Variants in COL22A1 observed in about 807,000 individuals in gnomAD.
The protein encoded by COL22A1 is collagen type XXII alpha 1 chain, also known as collagen alpha-1(XXII) chain.
In COL22A1, 221 loss-of-function variants were observed where a neutral mutation model predicts 248.9. The ratio of observed to expected loss-of-function variants is 0.89; its 90% CI spans 0.80 to 0.99. The LOEUF is 0.99. Among genes scored for constraint, COL22A1 ranks in the 50% least tolerant of loss-of-function variants. The pLI is 0.00. For synonymous variants in COL22A1, 891 were observed against 793.4 expected (o/e 1.12, Z -2.07); for missense variants, 2,240 against 2,179.0 (o/e 1.03, Z -0.56).
In COL22A1 at chr8:138,724,684, A is replaced by G. The variant is rs1487011961; in HGVS notation, c.2194-16T>C. 3.7e-6 allele frequency: 6 copies of G among 1,613,012 alleles called. No homozygotes were observed. Among genetic ancestry groups the G allele is most frequent in the African/African-American group, 1.3e-5 (1 of 74,932 alleles). On this transcript the variant is annotated splice_polypyrimidine_tract_variant and intron_variant, in intron 24 of 64. Coordinates refer to ENST00000303045, the MANE Select transcript of COL22A1 (RefSeq NM_152888.3). ...CAGGCAAACCCTGAAAGGGGACCAC[A>G]TGGACCCTGTTAGCCTGGCCTGTTC...
intron 7 of COL22A1, among the ~76,000 whole-genome samples, chr8:138,818,403 T>A (rs1022303248): frequency 3.4e-4 from 51 of 152,156 alleles, no homozygotes; most frequent in African/African-American, 1.2e-3. Context: ...TTAAGAAGGG[T>A]TGTGTTTGTG....
intron 44 of COL22A1, 21 bp downstream of exon 44, chr8:138,660,415 C>T (rs1823712795): frequency 6.2e-7 from 1 of 1,607,562 alleles, no homozygotes; most frequent in South Asian, 1.1e-5. Flanking sequence ...AATATTCATC[C>T]AGAACCATAA....
At position 138,811,929 on chromosome 8, in the gene COL22A1, G is replaced by T; in HGVS notation, c.1327-8C>A. On this transcript the variant is annotated splice_polypyrimidine_tract_variant and splice_region_variant and intron_variant, in intron 8 of 64. Transcript: ENST00000303045. ...CACCACGGTCACCTGGCACTGGAAGGAAAGCCCAGGAGGTCAGAACCTGGC... is the reference window on the plus strand; with the variant it reads ...CACCACGGTCACCTGGCACTGGAAGTAAAGCCCAGGAGGTCAGAACCTGGC... The T allele has an allele frequency of 6.5e-7, 1 of 1,538,336 alleles. No individual in the cohort carries two copies. The highest frequency in any genetic ancestry group is 8.8e-7 in the Non-Finnish European group (1 of 1,141,588).
intron 40 of COL22A1, among the ~76,000 whole-genome samples, chr8:138,678,776 A>T (rs915728654): frequency 4.8e-5 from 7 of 144,578 alleles, no homozygotes; most frequent in Middle Eastern, 3.5e-3. Context: ...AAGTCCCACA[A>T]CCTCTCTGCA....
At chr8:138,603,460 T>C (rs1378450001) in intron 59 of COL22A1, among the ~76,000 whole-genome samples, 1 of 152,052 alleles carries the variant, frequency 6.6e-6, no homozygotes, top group African/African-American at 2.4e-5. Flanking sequence ...AAGGTGGAGA[T>C]ATACTGGGCA....
intron 3 of COL22A1, among the ~76,000 whole-genome samples, chr8:138,876,352 T>C (rs576302659): frequency 2.0e-5 from 3 of 152,286 alleles, no homozygotes; most frequent in East Asian, 1.9e-4. Context: ...CGACCACACA[T>C]GGACCTGGCA....
At chr8:138,856,209 C>T (rs763503826) in intron 3 of COL22A1, among the ~76,000 whole-genome samples, 14 of 152,228 alleles carry the variant, frequency 9.2e-5, no homozygotes, top group Non-Finnish European at 1.9e-4. Flanking sequence ...GCAGTCAAGG[C>T]GTGGCCGCAT....
intron 3 of COL22A1, among the ~76,000 whole-genome samples, chr8:138,865,512 T>C (rs1459364199): frequency 6.6e-6 from 1 of 151,606 alleles, no homozygotes; most frequent in Non-Finnish European, 1.5e-5. Flanking sequence ...TATGTTTGTA[T>C]GCCTGTGTGT....
Position 138,900,817 on chromosome 8 carries a change from T to TG in COL22A1, c.-73+12801_-73+12802insC, listed in dbSNP as rs760516259. On this transcript the variant is annotated intron_variant, in intron 1 of 64. Transcript: ENST00000303045. ...AGCAGTGTTCCTGCCTCCATCCAGC[T>TG]TACTTTCTAGAGAGAGAAGGGAGAA... 4.8e-3 allele frequency among the ~76,000 whole-genome samples: 734 copies of TG among 152,316 alleles called. 5 individuals are homozygous for TG. The highest frequency in any genetic ancestry group is 8.1e-3 in the Non-Finnish European group (549 of 68,032).
At chr8:138,773,659 C>A (rs1224808692) in intron 16 of COL22A1, among the ~76,000 whole-genome samples, 1 of 152,204 alleles carries the variant, frequency 6.6e-6, no homozygotes, top group South Asian at 2.1e-4. Flanking sequence ...AGGTGTTGCC[C>A]GCTAAACTCT....
intron 9 of COL22A1, among the ~76,000 whole-genome samples, chr8:138,809,188 T>C (rs1817972679): frequency 1.3e-5 from 2 of 152,168 alleles, no homozygotes; most frequent in South Asian, 4.1e-4. Flanking sequence ...GCAGGCTCCC[T>C]TCTCACCCCC....
chr8:138,867,073 C>T (rs1441292209), intron 3 of COL22A1, among the ~76,000 whole-genome samples: 3 of 152,164 alleles, frequency 2.0e-5, no homozygotes, highest in African/African-American at 7.2e-5. Flanking sequence ...CTGTAAAGGG[C>T]CCGATAGTAA....
intron 53 of COL22A1, among the ~76,000 whole-genome samples, chr8:138,618,328 C>G (rs997561051): frequency 6.6e-6 from 1 of 152,186 alleles, no homozygotes; most frequent in African/African-American, 2.4e-5. Context: ...TCTATGTCAG[C>G]CAGAGGAGCT....
chr8:138,869,837 C>T (rs1823182714), intron 3 of COL22A1, among the ~76,000 whole-genome samples: 1 of 152,204 alleles, frequency 6.6e-6, no homozygotes, highest in South Asian at 2.1e-4. Context: ...CCACAACCCA[C>T]ACTGCTGCCC....
intron 62 of COL22A1, among the ~76,000 whole-genome samples, chr8:138,596,502 T>C (rs758018490): frequency 2.0e-5 from 3 of 152,378 alleles, no homozygotes; most frequent in Admixed American, 6.5e-5. Context: ...AGAACCTCTA[T>C]TGACTTTACT....
At position 138,700,096 on chromosome 8, in the gene COL22A1, C is replaced by A. The variant is rs1406563549; in HGVS notation, c.2592+16G>T. On this transcript the variant is annotated intron_variant, in intron 32 of 64. Transcript: ENST00000303045. ...CCGAGGCACACTGGGCACCCCGAGG[C>A]ACCGCTACTACTTACGGGCATCCGT... 1.2e-6 allele frequency: 2 copies of A among 1,612,754 alleles called. No homozygotes were observed. The highest frequency in any genetic ancestry group is 1.7e-6 in the Non-Finnish European group (2 of 1,179,598).
intron 2 of COL22A1, among the ~76,000 whole-genome samples, chr8:138,879,408 A>G (rs1824002132): frequency 1.3e-5 from 2 of 152,074 alleles, no homozygotes; most frequent in African/African-American, 4.8e-5. Flanking sequence ...CCCTGGTCTT[A>G]AGGCCAGGTG....
chr8:138,807,948 A>G (rs528105437), intron 9 of COL22A1, 136 bp from the exon 10 acceptor site: 65 of 808,356 alleles, frequency 8.0e-5, no homozygotes, highest in Non-Finnish European at 1.2e-4. Context: ...TGAGTTGGGC[A>G]AGGAAATTGG....
chr8:138,630,868 G>T, intron 49 of COL22A1, 120 bp from the exon 50 acceptor site: 1 of 866,762 alleles, frequency 1.2e-6, no homozygotes, highest in Non-Finnish European at 1.9e-6. Flanking sequence ...CAAATCTCAT[G>T]TTGAAATGTG....
Sources: allele counts gnomAD v4.1 joint callset (sites outside exome capture counted in the v4.1 genomes callset), GRCh38; gene constraint gnomAD v4.1.1; transcripts MANE v1.5; gene names NCBI Gene and HGNC (gene_info 2026-07-23, HGNC 2026-07-21).